ZNF543: variants seen among roughly 807,000 people sequenced by gnomAD.
The protein encoded by ZNF543 is zinc finger protein 543.
Under a neutral mutation model 13.4 loss-of-function variants are expected in ZNF543, and 10 were observed. The observed-to-expected ratio is 0.75, with a 90% CI of 0.46 to 1.26. The LOEUF (loss-of-function observed/expected upper bound fraction) is 1.26, where lower values mean the gene tolerates loss of function less well. Ranked by LOEUF, ZNF543 falls within the 50% of genes most tolerant of loss-of-function variation. ZNF543 has a pLI of 0.00. For missense variants in ZNF543, 768 were observed against 741.2 expected (o/e 1.04, Z -0.42); for synonymous variants, 272 against 264.7 (o/e 1.03, Z -0.27).
At chr19:57,323,281 TC>T (rs1261253471) in intron 1 of ZNF543, among the ~76,000 whole-genome samples, 3 of 150,460 alleles carry the variant, frequency 2.0e-5, no homozygotes, top group Non-Finnish European at 4.4e-5. Context: ...AAGCTCCGCC[TC>T]CCGGGTTCAC....
chr19:57,323,595 C>T (rs4801466), intron 1 of ZNF543, 87 bp from the exon 2 acceptor site: 1,228,545 of 1,513,300 alleles, frequency 0.81, 500,694 homozygotes, highest in African/African-American at 0.96. Context: ...TGGGTCACTG[C>T]GCATCTTTTG....
At chr19:57,323,460 G>A (rs948449642) in intron 1 of ZNF543, 25 of 493,566 alleles carry the variant, frequency 5.1e-5, no homozygotes, top group Non-Finnish European at 7.8e-5. Flanking sequence ...CCAAAGTGCT[G>A]GGATTACAGG....
Position 57,328,552 on chromosome 19 carries a change from G to A in ZNF543, c.1090G>A (p.Val364Met). Residue 364 changes from valine (V) to methionine (M), a missense_variant, in exon 4 of 4, where the codon GTG (valine) becomes ATG (methionine). This residue lies in a region of ZNF543 where 677 missense variants were observed against 631.4 expected (regional missense o/e 1.07). Transcript: ENST00000321545. ...GTGGCACCAACAGATTCACACTGGA[G>A]TGAAACCCTTTGAATGCAACGAGTG... is the stretch of plus-strand genomic sequence containing the variant. ...LTWHQQIHTG[V>M]KPFECNECGK... The A allele has an allele frequency of 1.2e-6, 2 of 1,613,950 alleles. No homozygotes were observed. Among genetic ancestry groups the A allele is most frequent in the Admixed American group, 1.7e-5 (1 of 59,984 alleles).
chr19:57,320,744 G>A lies in ZNF543; in HGVS notation c.-110G>A, dbSNP rs1279232823. On this transcript the variant is annotated 5_prime_UTR_variant, in exon 1 of 4. Transcript: ENST00000321545. ...GCGCATTTTTCTCTGGGGAAACTGA[G>A]GCTCCGAGTGCGAAAGTCAGCCGAG... is the stretch of plus-strand genomic sequence containing the variant. 5 of 1,370,950 alleles carry A rather than the reference G, an allele frequency of 3.6e-6. No homozygotes were observed. Among genetic ancestry groups the A allele is most frequent in the Middle Eastern group, 2.2e-4 (1 of 4,478 alleles). 84.9% of individuals were successfully genotyped at this position (1,370,950 alleles called of 1,614,324 possible). A position where few individuals can be genotyped will look rare whatever the true frequency, so the allele number is the denominator to read the frequency against.
Position 57,323,737 on chromosome 19 carries a change from A to C in ZNF543, c.74A>C (p.Gln25Pro). ...AVTFTQEEWG[Q>P]LDAAQRTLYQ... ...ACATTCACCCAGGAGGAGTGGGGACAGTTGGATGCAGCCCAGAGAACCTTG... is the reference window on the plus strand; with the variant it reads ...ACATTCACCCAGGAGGAGTGGGGACCGTTGGATGCAGCCCAGAGAACCTTG... Residue 25 changes from glutamine (Q) to proline (P), a missense_variant, in exon 2 of 4, where the codon CAG becomes CCG. Coordinates refer to ENST00000321545, the MANE Select transcript of ZNF543 (RefSeq NM_213598.4). 1 of 1,613,808 alleles carries C rather than the reference A, an allele frequency of 6.2e-7. No individual in the cohort carries two copies. Among genetic ancestry groups the C allele is most frequent in the Non-Finnish European group, 8.5e-7 (1 of 1,179,784 alleles).
intron 2 of ZNF543, among the ~76,000 whole-genome samples, chr19:57,324,038 G>A (rs1260391148): frequency 1.3e-5 from 2 of 152,102 alleles, no homozygotes; most frequent in Non-Finnish European, 2.9e-5. Flanking sequence ...ATCCCTCTGT[G>A]CCTCAGTTTT....
At chr19:57,325,532 G>A (rs1293983522) in intron 2 of ZNF543, among the ~76,000 whole-genome samples, 1 of 152,130 alleles carries the variant, frequency 6.6e-6, no homozygotes, top group Non-Finnish European at 1.5e-5. Context: ...TGTCAAGCCA[G>A]TTGTCTTTCT....
Position 57,327,785 on chromosome 19 carries a change from T to A in ZNF543, c.323T>A (p.Leu108Gln). ...LPEEVLLQEQ[L>Q]TQGASKNSQL... ...GAGGAAGTCTTACTCCAGGAACAAC[T>A]GACACAAGGAGCCTCAAAGAACTCC... Residue 108 changes from leucine (L) to glutamine (Q), a missense_variant, in exon 4 of 4, where the codon CTG (leucine) becomes CAG (glutamine). Coordinates refer to ENST00000321545, the MANE Select transcript of ZNF543 (RefSeq NM_213598.4). The A allele has an allele frequency of 6.2e-7, 1 of 1,614,100 alleles. No individual in the cohort carries two copies. Among genetic ancestry groups the A allele is most frequent in the South Asian group, 1.1e-5 (1 of 91,076 alleles).
Position 57,327,684 on chromosome 19 carries a change from G to C in ZNF543, c.242-20G>C. The C allele has an allele frequency of 5.7e-6, 9 of 1,574,400 alleles. No individual in the cohort carries two copies. The highest frequency in any genetic ancestry group is 6.0e-6 in the Non-Finnish European group (7 of 1,166,738). On this transcript the variant is annotated intron_variant, in intron 3 of 3. Transcript: ENST00000321545. Reference sequence around the variant, plus strand: ...AATGCCATCTCTAATAAGCCTTTTTGTGTATTGTGTTCGTTCCAGGTGACA... The same window carrying C: ...AATGCCATCTCTAATAAGCCTTTTTCTGTATTGTGTTCGTTCCAGGTGACA...
intron 1 of ZNF543, among the ~76,000 whole-genome samples, chr19:57,322,754 G>T (rs2088097530): frequency 6.6e-6 from 1 of 152,084 alleles, no homozygotes; most frequent in Non-Finnish European, 1.5e-5. Context: ...GTGGCCCTTT[G>T]CCCCAGTGTT....
chr19:57,327,879 A>G lies in ZNF543; in HGVS notation c.417A>G (p.Ile139Met). The G allele has an allele frequency of 6.2e-7, 1 of 1,614,182 alleles. No individual in the cohort carries two copies. The highest frequency in any genetic ancestry group is 8.5e-7 in the Non-Finnish European group (1 of 1,180,042). Residue 139 changes from isoleucine (I) to methionine (M), a missense_variant, in exon 4 of 4, where the codon ATA (isoleucine) becomes ATG (methionine). Physicochemically the swap from Ile to Met is conservative, Grantham distance 10. Around this residue, in one of 3 missense-constraint regions of ZNF543, gnomAD observed 677 missense variants for 631.4 expected, o/e 1.07. Transcript: ENST00000321545. ...AAGAAGTCCACTTGAAAATAGGGAT[A>G]GGCCCCCAGCGGGGGAAGCTGCTGG... ...EMQEVHLKIGIGPQRGKLLEK... is the reference protein window; with the variant it reads ...EMQEVHLKIGMGPQRGKLLEK...
chr19:57,320,851 A>G lies in ZNF543; in HGVS notation c.-3A>G, dbSNP rs113498250. On this transcript the variant is annotated 5_prime_UTR_variant, in exon 1 of 4. Transcript: ENST00000321545. ...GGCCCCGCTAGGGCTGCAGGGTCTC[A>G]GGATGGCAGCCTCGGCGCAGGTGAG... The G allele has an allele frequency of 2.7e-3, 4,303 of 1,613,952 alleles. 18 individuals are homozygous for G. Among genetic ancestry groups the G allele is most frequent in the East Asian group, 0.017 (780 of 44,848 alleles).
rs556738787 is a variant in ZNF543, at chr19:57,320,581, T to A, written c.-273T>A. On this transcript the variant is annotated 5_prime_UTR_variant, in exon 1 of 4. An upstream open reading frame in the 5' UTR gains an earlier in-frame stop. Coordinates refer to ENST00000321545, the MANE Select transcript of ZNF543 (RefSeq NM_213598.4). ...GAGCAGGGGAGGGTAATGAGGCTGTTACGCGCCTTCTCCGCATCTTGGCGG... is the reference window on the plus strand; with the variant it reads ...GAGCAGGGGAGGGTAATGAGGCTGTAACGCGCCTTCTCCGCATCTTGGCGG... 9.9e-5 allele frequency: 50 copies of A among 506,028 alleles called. No individual in the cohort carries two copies. The highest frequency in any genetic ancestry group is 1.7e-4 in the Non-Finnish European group (47 of 282,534). The allele number at this position is 506,028 out of a possible 1,614,324, so 31.3% of individuals were successfully genotyped here. A position where few individuals can be genotyped will look rare whatever the true frequency, so the allele number is the denominator to read the frequency against.
At position 57,328,979 on chromosome 19, in the gene ZNF543, C is replaced by T. The variant is rs141552320; in HGVS notation, c.1517C>T (p.Pro506Leu). ...CAACAGATTCACACTGGAGAGAAAC[C>T]CTATGAATGCATCCAGTGTGGGAAA... ...RHQQIHTGEK[P>L]YECIQCGKAF... is the part of the protein sequence containing the mutation. Residue 506 changes from proline (P) to leucine (L), a missense_variant, in exon 4 of 4, where the codon CCC becomes CTC. By Grantham distance (98) the Pro-to-Leu change is moderately conservative (BLOSUM62 -3). Coordinates refer to ENST00000321545, the MANE Select transcript of ZNF543 (RefSeq NM_213598.4). The T allele has an allele frequency of 1.5e-5, 25 of 1,614,098 alleles. No homozygotes were observed. The highest frequency in any genetic ancestry group is 5.9e-6 in the Non-Finnish European group (7 of 1,180,046).
chr19:57,323,894 G>C (rs2088105291), intron 2 of ZNF543, 86 bp downstream of exon 2: 2 of 1,520,910 alleles, frequency 1.3e-6, no homozygotes, highest in Non-Finnish European at 1.8e-6. Context: ...CACTTGTTCT[G>C]AGGCTCCTGG....
chr19:57,321,544 G>C (rs2088090074), intron 1 of ZNF543, among the ~76,000 whole-genome samples: 1 of 152,252 alleles, frequency 6.6e-6, no homozygotes, highest in African/African-American at 2.4e-5. Flanking sequence ...ATCATAAAGA[G>C]TCCTTGCTGT....
At position 57,329,036 on chromosome 19, in the gene ZNF543, A is replaced by G. The variant is rs1212385352; in HGVS notation, c.1574A>G (p.His525Arg). Residue 525 changes from histidine (H) to arginine (R), a missense_variant, in exon 4 of 4, where the codon CAC becomes CGC. Coordinates refer to ENST00000321545, the MANE Select transcript of ZNF543 (RefSeq NM_213598.4). ...AFCRSANLIRHSIIHTGEKPY... is the reference protein window; with the variant it reads ...AFCRSANLIRRSIIHTGEKPY... ...TGCCGGAGCGCAAACCTTATTCGAC[A>G]CTCCATCATTCACACTGGAGAGAAG... The G allele has an allele frequency of 1.2e-6, 2 of 1,613,900 alleles. No individual in the cohort carries two copies. Among genetic ancestry groups the G allele is most frequent in the East Asian group, 4.5e-5 (2 of 44,858 alleles).
Position 57,329,455 on chromosome 19 carries a change from A to C in ZNF543, c.*190A>C. 1.6e-6 allele frequency: 1 copy of C among 624,846 alleles called. No homozygotes were observed. Among genetic ancestry groups the C allele is most frequent in the Non-Finnish European group, 2.6e-6 (1 of 387,404 alleles). 38.7% of individuals were successfully genotyped at this position (624,846 alleles called of 1,614,324 possible). ...GAGACCCAGTGGTTGCTATGCACTT[A>C]GGAAAACTTTCAGCCACATCTTTCT... On this transcript the variant is annotated 3_prime_UTR_variant, in exon 4 of 4. Coordinates refer to ENST00000321545, the MANE Select transcript of ZNF543 (RefSeq NM_213598.4).
At chr19:57,326,341 T>A (rs924971842) in intron 2 of ZNF543, among the ~76,000 whole-genome samples, 2 of 152,090 alleles carry the variant, frequency 1.3e-5, no homozygotes, top group Admixed American at 6.5e-5. Flanking sequence ...ACTTTTTGTA[T>A]TTTTAGTAGA....
Sources: gnomAD v4.1 joint callset for allele counts (sites outside exome capture counted in the v4.1 genomes callset) on GRCh38, gnomAD v4.1.1 for gene constraint, gnomAD v4.1.1 regional missense constraint, MANE v1.5 for transcripts, NCBI Gene and HGNC (gene_info 2026-07-23, HGNC 2026-07-21) for gene names.